The following DARS1 variants were observed in gnomAD, a reference collection of about 807,000 sequenced individuals.
The protein encoded by DARS1 is aspartate--tRNA ligase, cytoplasmic.
DARS1 carries 51 observed loss-of-function variants against 68.8 expected under a neutral mutation model. That is an observed-to-expected ratio of 0.74 (90% CI 0.59 to 0.94). The LOEUF (loss-of-function observed/expected upper bound fraction) is 0.94, where lower values mean the gene tolerates loss of function less well. DARS1 is among the 40% of genes least tolerant of loss of function. The probability of loss-of-function intolerance (pLI) is 0.00; values close to 1 mark genes in which losing one functional copy is unlikely to be tolerated. For synonymous variants in DARS1, 203 were observed against 190.4 expected (o/e 1.07, Z -0.55); for missense variants, 607 against 597.3 (o/e 1.02, Z -0.17).
intron 4 of DARS1, among the ~76,000 whole-genome samples, chr2:135,947,207 AC>A (rs2104822495): frequency 6.6e-6 from 1 of 152,232 alleles, no homozygotes; most frequent in Non-Finnish European, 1.5e-5. Flanking sequence ...GGAGTTTAAG[AC>A]CAGCGTGGCC....
At chr2:135,940,536 A>G (rs933983933) in intron 5 of DARS1, among the ~76,000 whole-genome samples, 1 of 152,200 alleles carries the variant, frequency 6.6e-6, no homozygotes, top group Non-Finnish European at 1.5e-5. Context: ...ATCTATGACA[A>G]ACCCACAGCC....
chr2:135,969,859 CA>C (rs376875244), intron 3 of DARS1, among the ~76,000 whole-genome samples: 1 of 152,108 alleles, frequency 6.6e-6, no homozygotes, highest in African/African-American at 2.4e-5. Context: ...ATATTTTTGC[CA>C]ACTGATTAAT....
chr2:135,911,214 C>CA lies in DARS1; in HGVS notation c.1343-5dup. 7.1e-7 allele frequency: 1 copy of CA among 1,415,688 alleles called. No homozygotes were observed. The highest frequency in any genetic ancestry group is 1.2e-5 in the South Asian group (1 of 85,914). 87.7% of individuals were successfully genotyped at this position (1,415,688 alleles called of 1,614,324 possible). A position where few individuals can be genotyped will look rare whatever the true frequency, so the allele number is the denominator to read the frequency against. On this transcript the variant is annotated splice_polypyrimidine_tract_variant and splice_region_variant and intron_variant, in intron 14 of 15. Coordinates refer to ENST00000264161, the MANE Select transcript of DARS1 (RefSeq NM_001349.4). Reference sequence around the variant, plus strand: ...TAAGCCTTAATTTTCTCCAAATCTGCAAAAAGACACAAAACAAAATATAAT... The same window carrying CA: ...TAAGCCTTAATTTTCTCCAAATCTGCAAAAAAGACACAAAACAAAATATAAT...
chr2:135,942,200 C>T (rs1396240915), intron 5 of DARS1, among the ~76,000 whole-genome samples: 4 of 152,116 alleles, frequency 2.6e-5, no homozygotes, highest in Non-Finnish European at 2.9e-5. Context: ...AAGACACATG[C>T]ACACGTACGT....
chr2:135,928,971 T>C (rs116114585), intron 7 of DARS1, among the ~76,000 whole-genome samples: 1 of 152,222 alleles, frequency 6.6e-6, no homozygotes, highest in Non-Finnish European at 1.5e-5. Context: ...ATTGCTATTA[T>C]ATTACATATA....
In DARS1 at chr2:135,932,844, T is replaced by TAAAAAA; in HGVS notation, c.505-8_505-3dup. 1 of 966,180 alleles carries TAAAAAA rather than the reference T, an allele frequency of 1.0e-6. No homozygotes were observed. Among genetic ancestry groups the TAAAAAA allele is most frequent in the South Asian group, 1.6e-5 (1 of 62,578 alleles). The allele number at this position is 966,180 out of a possible 1,614,324, so 59.9% of individuals were successfully genotyped here. A position where few individuals can be genotyped will look rare whatever the true frequency, so the allele number is the denominator to read the frequency against. ...CTGGTTAACAGTAGCTCTTCCTTCCTAAAAAAAAAAAAAAAGAAAAGAAAA... is the reference window on the plus strand; with the variant it reads ...CTGGTTAACAGTAGCTCTTCCTTCCTAAAAAAAAAAAAAAAAAAAAAGAAAAGAAAA... On this transcript the variant is annotated splice_region_variant and splice_polypyrimidine_tract_variant and intron_variant, in intron 6 of 15. Transcript: ENST00000264161.
At chr2:135,935,083 C>T (rs1575391625) in intron 5 of DARS1, among the ~76,000 whole-genome samples, 1 of 152,070 alleles carries the variant, frequency 6.6e-6, no homozygotes, top group African/African-American at 2.4e-5. Context: ...GCCACCACGC[C>T]CGGCCATCTT....
At chr2:135,931,695 G>A (rs1317163950) in intron 7 of DARS1, among the ~76,000 whole-genome samples, 1 of 152,080 alleles carries the variant, frequency 6.6e-6, no homozygotes, top group Admixed American at 6.6e-5. Flanking sequence ...TATTTGCTGG[G>A]TGGTGCAGGG....
chr2:135,944,446 A>C (rs2104820129), intron 4 of DARS1, among the ~76,000 whole-genome samples: 1 of 152,286 alleles, frequency 6.6e-6, no homozygotes, highest in East Asian at 1.9e-4. Flanking sequence ...AAACAAGAGA[A>C]CACCAGAATC....
intron 4 of DARS1, among the ~76,000 whole-genome samples, chr2:135,955,134 TACC>T (rs1401639064): frequency 6.7e-6 from 1 of 148,304 alleles, no homozygotes; most frequent in African/African-American, 2.5e-5. Flanking sequence ...TTCCATTTAT[TACC>T]ACCACCAAAA....
At chr2:135,964,330 AC>A (rs1439897542) in intron 3 of DARS1, among the ~76,000 whole-genome samples, 1 of 152,196 alleles carries the variant, frequency 6.6e-6, no homozygotes, top group African/African-American at 2.4e-5. Flanking sequence ...AATATGCACT[AC>A]TTTTCTAATC....
rs373355246 is a variant in DARS1 at position 135,911,498 on chromosome 2, A to G, written c.1231-5T>C. On this transcript the variant is annotated splice_polypyrimidine_tract_variant and splice_region_variant and intron_variant, in intron 13 of 15. Transcript: ENST00000264161. ...ATCGTAAGAGTTGGACTGTTTCTGCAAGAGAAAAAACACCAGTCCTCAAGT... is the reference window on the plus strand; with the variant it reads ...ATCGTAAGAGTTGGACTGTTTCTGCGAGAGAAAAAACACCAGTCCTCAAGT... The G allele has an allele frequency of 1.7e-5, 15 of 895,032 alleles. No homozygotes were observed. The African/African-American group carries it at 2.3e-4, about 14-fold the overall frequency. 55.4% of individuals were successfully genotyped at this position (895,032 alleles called of 1,614,324 possible).
chr2:135,971,512 T>C (rs1682369456), intron 3 of DARS1, among the ~76,000 whole-genome samples: 1 of 152,174 alleles, frequency 6.6e-6, no homozygotes, highest in Admixed American at 6.5e-5. Flanking sequence ...CTGAAATCCT[T>C]TTCTCTTAGA....
At chr2:135,940,752 T>C (rs576100690) in intron 5 of DARS1, among the ~76,000 whole-genome samples, 6 of 152,172 alleles carry the variant, frequency 3.9e-5, no homozygotes, top group Admixed American at 1.3e-4. Context: ...ATTGTATATT[T>C]AGAAAACCCC....
At chr2:135,973,311 G>C (rs905592308) in intron 3 of DARS1, among the ~76,000 whole-genome samples, 1 of 152,128 alleles carries the variant, frequency 6.6e-6, no homozygotes, top group African/African-American at 2.4e-5. Context: ...AGTGAAATAA[G>C]CCAGGCACAG....
At chr2:135,956,346 G>A (rs1331834242) in intron 4 of DARS1, among the ~76,000 whole-genome samples, 3 of 152,112 alleles carry the variant, frequency 2.0e-5, no homozygotes, top group African/African-American at 7.2e-5. Context: ...TTACTAAGAG[G>A]AGCCATCAGG....
At chr2:135,959,288 G>A (rs1222775462) in intron 4 of DARS1, among the ~76,000 whole-genome samples, 1 of 151,098 alleles carries the variant, frequency 6.6e-6, no homozygotes, top group Non-Finnish European at 1.5e-5. Flanking sequence ...CAGCTACTGG[G>A]GAGGCTGAGG....
intron 2 of DARS1, among the ~76,000 whole-genome samples, chr2:135,982,519 T>C (rs1233210289): frequency 6.6e-6 from 1 of 151,430 alleles, no homozygotes; most frequent in South Asian, 2.1e-4. Flanking sequence ...TTGTAGGAAC[T>C]TGGGAGGCGG....
At chr2:135,922,666 CAGATA>C in intron 9 of DARS1, 113 bp downstream of exon 9, 1 of 1,295,458 alleles carries the variant, frequency 7.7e-7, no homozygotes. Flanking sequence ...GTGTAGTCAG[CAGATA>C]AAATAATTTA....
Sources: gnomAD v4.1 joint callset for allele counts (sites outside exome capture counted in the v4.1 genomes callset) on GRCh38, gnomAD v4.1.1 for gene constraint, MANE v1.5 for transcripts, NCBI Gene and HGNC (gene_info 2026-07-23, HGNC 2026-07-21) for gene names.